IDNK: variants seen among roughly 807,000 people sequenced by gnomAD.
The protein encoded by IDNK is IDNK gluconokinase.
In IDNK, 9 loss-of-function variants were observed where a neutral mutation model predicts 13.0. The observed-to-expected ratio is 0.69, with a 90% CI of 0.42 to 1.21. IDNK has a LOEUF of 1.21. Among genes scored for constraint, IDNK ranks in the 50% most tolerant of loss-of-function variants. The pLI, the probability that IDNK is intolerant of heterozygous loss-of-function variation, is 0.00. For missense variants in IDNK, 210 were observed against 237.8 expected (o/e 0.88, Z 0.77); for synonymous variants, 92 against 94.9 (o/e 0.97, Z 0.18).
chr9:83,637,328 TATG>T (rs1270204310), intron 3 of IDNK, among the ~76,000 whole-genome samples: 1 of 152,262 alleles, frequency 6.6e-6, no homozygotes, highest in Admixed American at 6.5e-5. Context: ...TTGTATTTGA[TATG>T]AAGAAAAAGA....
chr9:83,628,511 T>C (rs541133797), intron 2 of IDNK, among the ~76,000 whole-genome samples: 240 of 152,270 alleles, frequency 1.6e-3, no homozygotes, highest in African/African-American at 5.5e-3. Context: ...TAGCCGGGCA[T>C]GGTTGCACGC....
intron 1 of IDNK, among the ~76,000 whole-genome samples, chr9:83,624,946 C>T (rs1028488233): frequency 3.3e-5 from 5 of 152,120 alleles, no homozygotes; most frequent in Admixed American, 6.5e-5. Flanking sequence ...AACTCCTGAC[C>T]TCAGGTGATC....
Position 83,641,609 on chromosome 9 carries a change from C to T in IDNK, c.212+18C>T. 3 of 1,613,114 alleles carry T rather than the reference C, an allele frequency of 1.9e-6. No individual in the cohort carries two copies. The highest frequency in any genetic ancestry group is 2.5e-6 in the Non-Finnish European group (3 of 1,179,208). Reference sequence around the variant, plus strand: ...TTACTAAGGTAAGAGACCACCAGGCCTTGGCATAAGCCAAAGCCAGCAGGT... The same window carrying T: ...TTACTAAGGTAAGAGACCACCAGGCTTTGGCATAAGCCAAAGCCAGCAGGT... On this transcript the variant is annotated intron_variant, in intron 4 of 4. Coordinates refer to ENST00000376419, the MANE Select transcript of IDNK (RefSeq NM_001001551.4).
At chr9:83,632,956 T>C (rs927640667) in intron 3 of IDNK, among the ~76,000 whole-genome samples, 3 of 152,202 alleles carry the variant, frequency 2.0e-5, no homozygotes, top group Non-Finnish European at 4.4e-5. Context: ...CTAGCACCTT[T>C]ACAATAAGGT....
chr9:83,623,079 C>T (rs1407071369), upstream of IDNK: 3 of 1,060,800 alleles, frequency 2.8e-6, no homozygotes, highest in African/African-American at 3.4e-5. Flanking sequence ...CTCACTGCCC[C>T]GGCCGGGGCG....
chr9:83,640,092 A>G (rs1831262561), intron 3 of IDNK, among the ~76,000 whole-genome samples: 1 of 152,170 alleles, frequency 6.6e-6, no homozygotes, highest in African/African-American at 2.4e-5. Context: ...TGCCATCATA[A>G]ATGTTGTAGC....
At chr9:83,628,650 C>CAA (rs34312050) in intron 2 of IDNK, among the ~76,000 whole-genome samples, 36 of 131,324 alleles carry the variant, frequency 2.7e-4, no homozygotes, top group East Asian at 1.9e-3. Flanking sequence ...GACTACATTT[C>CAA]AAAAAAAAAA....
chr9:83,637,840 T>C (rs1365197430), intron 3 of IDNK, among the ~76,000 whole-genome samples: 1 of 152,174 alleles, frequency 6.6e-6, no homozygotes, highest in Non-Finnish European at 1.5e-5. Flanking sequence ...TTGTAGAATA[T>C]AAAGTCCTCA....
intron 3 of IDNK, among the ~76,000 whole-genome samples, chr9:83,638,974 A>G (rs1282592427): frequency 6.6e-6 from 1 of 152,220 alleles, no homozygotes; most frequent in Non-Finnish European, 1.5e-5. Flanking sequence ...AGCCTGACAT[A>G]GGCATTAATG....
At chr9:83,624,312 CCT>C (rs1330222739) in intron 1 of IDNK, among the ~76,000 whole-genome samples, 4 of 152,138 alleles carry the variant, frequency 2.6e-5, no homozygotes, top group African/African-American at 2.4e-5. Flanking sequence ...TCATGTACCC[CCT>C]CTGAGTCTTG....
At chr9:83,625,547 G>A (rs1306332903) in intron 1 of IDNK, among the ~76,000 whole-genome samples, 1 of 152,208 alleles carries the variant, frequency 6.6e-6, no homozygotes, top group African/African-American at 2.4e-5. Context: ...TCAGGGAGAT[G>A]TGTCCAATGT....
rs768055004 is a variant in IDNK, at chr9:83,641,514, G to A, written c.169-34G>A. On this transcript the variant is annotated intron_variant, in intron 3 of 4. Transcript: ENST00000376419. ...AACAAACAATACCTGGAGAAGTCAC[G>A]TTGTGTCTGGGTTTTTGTTTTTGTT... 37 of 1,612,054 alleles carry A rather than the reference G, an allele frequency of 2.3e-5. No homozygotes were observed. In the East Asian group the frequency reaches 3.1e-4, roughly 14 times the overall value.
chr9:83,636,267 A>G (rs893607116), intron 3 of IDNK, among the ~76,000 whole-genome samples: 1 of 152,188 alleles, frequency 6.6e-6, no homozygotes, highest in African/African-American at 2.4e-5. Flanking sequence ...TACACACACA[A>G]TCAGCACTTA....
At chr9:83,632,587 C>CA (rs1376456984) in intron 3 of IDNK, among the ~76,000 whole-genome samples, 2 of 110,638 alleles carry the variant, frequency 1.8e-5, no homozygotes, top group African/African-American at 3.3e-5. Context: ...AAAAAAATCA[C>CA]AAAAAAAATC....
At position 83,628,880 on chromosome 9, in the gene IDNK, G is replaced by A. The variant is rs1248467826; in HGVS notation, c.89G>A (p.Trp30Ter). ...TTCACTTTGTTCTTAAAGCTGGGATGGAAATTCTATGATGCTGATGATTAT... is the reference window on the plus strand; with the variant it reads ...TTCACTTTGTTCTTAAAGCTGGGATAGAAATTCTATGATGCTGATGATTAT... ...VGALLASELG[W>*]KFYDADDYHP... The change falls in exon 3 of 5, where the codon TGG (tryptophan) becomes TAG (stop). Residue 30 changes from tryptophan (W) to a stop codon, truncating the protein, a stop_gained. Transcript: ENST00000376419. LOFTEE classifies it high-confidence loss of function. The A allele has an allele frequency of 6.2e-7, 1 of 1,613,548 alleles. No homozygotes were observed. Among genetic ancestry groups the A allele is most frequent in the Admixed American group, 1.7e-5 (1 of 60,004 alleles).
intron 2 of IDNK, 112 bp downstream of exon 2, chr9:83,628,323 C>T (rs970058292): frequency 8.5e-6 from 8 of 936,830 alleles, no homozygotes; most frequent in Non-Finnish European, 1.4e-5. Flanking sequence ...GCTTTGAACC[C>T]CACTGGAGCA....
chr9:83,631,047 A>G (rs1830996327), intron 3 of IDNK, among the ~76,000 whole-genome samples: 1 of 152,180 alleles, frequency 6.6e-6, no homozygotes, highest in Non-Finnish European at 1.5e-5. Flanking sequence ...TAAGAATCCA[A>G]CGAGTCTAAG....
In IDNK at chr9:83,623,289, C is replaced by A. The variant is rs968496828; in HGVS notation, c.50+68C>A. 1.4e-5 allele frequency: 18 copies of A among 1,302,148 alleles called. No homozygotes were observed. In the African/African-American group the frequency reaches 2.8e-4, roughly 20 times the overall value. The allele number at this position is 1,302,148 out of a possible 1,614,324, so 80.7% of individuals were successfully genotyped here. A position where few individuals can be genotyped will look rare whatever the true frequency, so the allele number is the denominator to read the frequency against. ...CGGGCGCGGCGGAGGCCGGACGCGTCGCCGTCCCTGCCGGTGGACTGGGGT... is the reference window on the plus strand; with the variant it reads ...CGGGCGCGGCGGAGGCCGGACGCGTAGCCGTCCCTGCCGGTGGACTGGGGT... On this transcript the variant is annotated intron_variant, in intron 1 of 4. Coordinates refer to ENST00000376419, the MANE Select transcript of IDNK (RefSeq NM_001001551.4).
chr9:83,630,896 G>A (rs1830991506), intron 3 of IDNK, among the ~76,000 whole-genome samples: 2 of 152,040 alleles, frequency 1.3e-5, no homozygotes, highest in South Asian at 4.1e-4. Flanking sequence ...AGAGACACAA[G>A]TTACTTACTA....
Sources: allele counts gnomAD v4.1 joint callset (sites outside exome capture counted in the v4.1 genomes callset), GRCh38; gene constraint gnomAD v4.1.1; transcripts MANE v1.5; gene names NCBI Gene and HGNC (gene_info 2026-07-23, HGNC 2026-07-21).